Variants in AMY2B observed in about 807,000 individuals in gnomAD.
AMY2B encodes alpha-amylase 2B.
In AMY2B, 63 loss-of-function variants were observed where a neutral mutation model predicts 59.3. That is an observed-to-expected ratio of 1.06 (90% confidence interval 0.87 to 1.31). AMY2B has a LOEUF of 1.31. AMY2B is among the 50% of genes most tolerant of loss of function. AMY2B has a pLI of 0.00. For synonymous variants in AMY2B, 180 were observed against 198.1 expected (o/e 0.91, Z 0.77); for missense variants, 635 against 626.7 (o/e 1.01, Z -0.14).
chr1:103,560,235 T>C (rs1347587177), intron 1 of AMY2B, among the ~76,000 whole-genome samples: 1 of 152,182 alleles, frequency 6.6e-6, no homozygotes. Flanking sequence ...GTACTGTCAA[T>C]ATTTTTGCTT....
chr1:103,565,064 A>T (rs569718998), intron 1 of AMY2B: 1 of 152,098 alleles, frequency 6.6e-6, no homozygotes, highest in African/African-American at 2.4e-5. Context: ...TCTCTGTTTT[A>T]CATAAACATT....
intron 1 of AMY2B, among the ~76,000 whole-genome samples, chr1:103,558,476 A>G (rs1030576823): frequency 3.3e-5 from 5 of 152,208 alleles, no homozygotes; most frequent in East Asian, 1.9e-4. Context: ...GAAAGAGACT[A>G]TTGGAATGAA....
chr1:103,573,386 T>G, intron 3 of AMY2B, 126 bp downstream of exon 3: 1 of 1,497,906 alleles, frequency 6.7e-7, no homozygotes, highest in Non-Finnish European at 9.0e-7. Flanking sequence ...TTAACAGGTT[T>G]GACTACTTTA....
chr1:103,574,487 A>T (rs1256334886), intron 5 of AMY2B, 94 bp downstream of exon 5: 39 of 1,596,350 alleles, frequency 2.4e-5, no homozygotes, highest in Non-Finnish European at 3.3e-5. Flanking sequence ...TCTTTTTCAG[A>T]CAACTATCAA....
At chr1:103,566,084 G>C (rs1290639368) in intron 2 of AMY2B, among the ~76,000 whole-genome samples, 1 of 151,986 alleles carries the variant, frequency 6.6e-6, no homozygotes, top group Non-Finnish European at 1.5e-5. Flanking sequence ...TTGACTTCTT[G>C]CCATTTTCCT....
At chr1:103,556,635 T>C (rs187313626) in intron 1 of AMY2B, among the ~76,000 whole-genome samples, 1 of 152,122 alleles carries the variant, frequency 6.6e-6, no homozygotes, top group African/African-American at 2.4e-5. Context: ...TATAGTATAA[T>C]AGTACTAAGT....
chr1:103,575,152 A>T, intron 5 of AMY2B, 71 bp from the exon 6 acceptor site: 1 of 1,605,632 alleles, frequency 6.2e-7, no homozygotes, highest in Non-Finnish European at 8.5e-7. Flanking sequence ...GCAGAAAGAG[A>T]TGCACAGTTA....
At chr1:103,571,897 G>C in intron 1 of AMY2B, 127 bp downstream of exon 1, 1 of 1,584,246 alleles carries the variant, frequency 6.3e-7, no homozygotes, top group South Asian at 1.2e-5. Context: ...AGAGTTTTCT[G>C]AGGAAAAAAC....
intron 1 of AMY2B, among the ~76,000 whole-genome samples, chr1:103,561,198 G>T (rs1409775307): frequency 6.6e-6 from 1 of 152,018 alleles, no homozygotes; most frequent in South Asian, 2.1e-4. Context: ...TTTTTCTAAG[G>T]TTCATACAGA....
upstream of AMY2B, chr1:103,570,352 C>A: frequency 1.4e-6 from 1 of 709,738 alleles, no homozygotes; most frequent in Non-Finnish European, 2.6e-6. Context: ...CCTTCCTGGA[C>A]ATGGAATCTT....
At chr1:103,575,937 C>G (rs141033377) in intron 7 of AMY2B, among the ~76,000 whole-genome samples, 1 of 151,722 alleles carries the variant, frequency 6.6e-6, no homozygotes, top group African/African-American at 2.4e-5. Context: ...TATAAATGTT[C>G]GTTAAATATT....
chr1:103,572,996 G>A, intron 2 of AMY2B, 67 bp from the exon 3 acceptor site: 1 of 1,610,388 alleles, frequency 6.2e-7, no homozygotes, highest in Non-Finnish European at 8.5e-7. Flanking sequence ...CTATAAACTT[G>A]AATCAATAAT....
chr1:103,578,273 C>G (rs540613944), intron 9 of AMY2B, among the ~76,000 whole-genome samples: 87 of 152,266 alleles, frequency 5.7e-4, no homozygotes, highest in African/African-American at 2.0e-3. Flanking sequence ...AATGACTGCT[C>G]TATGTAGTTT....
upstream of AMY2B, chr1:103,571,531 T>A (rs1226341693): frequency 8.2e-6 from 13 of 1,586,374 alleles, no homozygotes; most frequent in Non-Finnish European, 1.1e-5. Context: ...TGCTAATATT[T>A]ACTTTGTAAA....
At chr1:103,560,742 A>G (rs1474627653) in intron 1 of AMY2B, among the ~76,000 whole-genome samples, 28 of 152,140 alleles carry the variant, frequency 1.8e-4, no homozygotes, top group Non-Finnish European at 1.5e-5. Flanking sequence ...ATCCTCCAAG[A>G]CATTATTTTT....
At position 103,574,449 on chromosome 1, in the gene AMY2B, C is replaced by T. The variant is rs1652265068; in HGVS notation, c.878+56C>T. 18 of 1,606,330 alleles carry T rather than the reference C, an allele frequency of 1.1e-5. No homozygotes were observed. The South Asian group carries it at 1.6e-4, about 15-fold the overall frequency. Reference sequence around the variant, plus strand: ...TTTCATAGATTTATTAGTCATAGTACCCCAGTGTGAGTTATCTTCTGGAAC... The same window carrying T: ...TTTCATAGATTTATTAGTCATAGTATCCCAGTGTGAGTTATCTTCTGGAAC... On this transcript the variant is annotated intron_variant, in intron 5 of 9. Coordinates refer to ENST00000684275, the MANE Select transcript of AMY2B (RefSeq NM_001387437.1).
In AMY2B at chr1:103,574,254, T is replaced by A; in HGVS notation, c.745-6T>A. The A allele has an allele frequency of 6.2e-7, 1 of 1,611,788 alleles. No individual in the cohort carries two copies. Among genetic ancestry groups the A allele is most frequent in the Non-Finnish European group, 8.5e-7 (1 of 1,179,676 alleles). On this transcript the variant is annotated splice_region_variant and splice_polypyrimidine_tract_variant and intron_variant, in intron 4 of 9. Coordinates refer to ENST00000684275, the MANE Select transcript of AMY2B (RefSeq NM_001387437.1). ...AAAATGTTACTTTTTCCTAATTTTC[T>A]ACTAGGTAATTGATCTGGGTGGTGA...
At chr1:103,578,732 C>A (rs527605997) in intron 9 of AMY2B, among the ~76,000 whole-genome samples, 1 of 151,936 alleles carries the variant, frequency 6.6e-6, no homozygotes, top group Non-Finnish European at 1.5e-5. Flanking sequence ...ATCACTTCTT[C>A]ATAGAAATGC....
intron 1 of AMY2B, among the ~76,000 whole-genome samples, chr1:103,562,367 A>G (rs1275413235): frequency 2.6e-5 from 4 of 152,158 alleles, no homozygotes; most frequent in African/African-American, 9.7e-5. Flanking sequence ...TTACATTGCA[A>G]CTTATCCTGA....
Sources: allele counts gnomAD v4.1 joint callset (sites outside exome capture counted in the v4.1 genomes callset), GRCh38; gene constraint gnomAD v4.1.1; transcripts MANE v1.5; gene names NCBI Gene and HGNC (gene_info 2026-07-23, HGNC 2026-07-21).